Variants in KLF17 observed in about 807,000 individuals in gnomAD.
KLF17 encodes the protein KLF transcription factor 17.
KLF17 carries 31 observed loss-of-function variants against 34.2 expected under a neutral mutation model. The ratio of observed to expected loss-of-function variants is 0.91; its 90% CI spans 0.68 to 1.22. The LOEUF (loss-of-function observed/expected upper bound fraction) is 1.22, where lower values mean the gene tolerates loss of function less well. Among genes scored for constraint, KLF17 ranks in the 50% most tolerant of loss-of-function variants. The probability of loss-of-function intolerance (pLI) is 0.00; values close to 1 mark genes in which losing one functional copy is unlikely to be tolerated. For missense variants in KLF17, 478 were observed against 505.2 expected (o/e 0.95, Z 0.52); for synonymous variants, 179 against 186.7 (o/e 0.96, Z 0.34).
At chr1:44,090,128 C>CAA in the KLF17 span, among the ~76,000 whole-genome samples, 167 of 89,600 alleles carry the variant, frequency 1.9e-3, no homozygotes, top group South Asian at 2.5e-3. Flanking sequence ...GACTCTGTCT[C>CAA]AAAAAAAAAA....
chr1:44,049,885 T>C, the KLF17 span, among the ~76,000 whole-genome samples: 1 of 152,372 alleles, frequency 6.6e-6, no homozygotes, highest in South Asian at 2.1e-4. Flanking sequence ...TATATAATAA[T>C]TTATCCATTT....
At chr1:44,087,753 TATATATATATATATATACACACAC>T in the KLF17 span, among the ~76,000 whole-genome samples, 37 of 69,904 alleles carry the variant, frequency 5.3e-4, no homozygotes, top group South Asian at 2.7e-3. Flanking sequence ...TATATATATA[TATATATATATATATATACACACAC>T]ACACACACAC....
At chr1:44,060,325 G>A in the KLF17 span, among the ~76,000 whole-genome samples, 659 of 152,094 alleles carry the variant, frequency 4.3e-3, 10 homozygotes, top group Non-Finnish European at 3.4e-3. Flanking sequence ...AAAATTACCC[G>A]GGCGTGGTGG....
the KLF17 span, chr1:44,103,883 A>T: frequency 2.5e-6 from 2 of 789,874 alleles, no homozygotes; most frequent in East Asian, 2.4e-5. Flanking sequence ...GCTGCACGTC[A>T]TCCCAGTGCC....
the KLF17 span, chr1:44,104,117 G>A: frequency 9.9e-7 from 1 of 1,009,072 alleles, no homozygotes; most frequent in Non-Finnish European, 1.6e-6. Context: ...AGTTGATCTC[G>A]TCAGTCAGCC....
the KLF17 span, among the ~76,000 whole-genome samples, chr1:44,083,851 T>C: frequency 6.6e-6 from 1 of 151,374 alleles, no homozygotes; most frequent in Non-Finnish European, 1.5e-5. Context: ...GGCAGACATC[T>C]TCTCAAGCTG....
chr1:44,104,092 A>G, the KLF17 span: 1 of 944,092 alleles, frequency 1.1e-6, no homozygotes, highest in Non-Finnish European at 1.7e-6. Context: ...TTCTCTTCAT[A>G]CAGCCGCCTG....
the KLF17 span, among the ~76,000 whole-genome samples, chr1:44,100,487 A>T: frequency 3.3e-5 from 5 of 152,144 alleles, no homozygotes; most frequent in South Asian, 2.1e-4. Context: ...GAGGGGGGGA[A>T]CCTATGATGT....
chr1:44,069,051 G>A, the KLF17 span, among the ~76,000 whole-genome samples: 1 of 152,094 alleles, frequency 6.6e-6, no homozygotes, highest in African/African-American at 2.4e-5. This position sits in a 1 kb window ranked among gnomAD's most constrained non-coding sequence, Gnocchi z 4.7. Flanking sequence ...TCACAGAAAT[G>A]TGTATTTTAT....
chr1:44,070,400 C>T, the KLF17 span, among the ~76,000 whole-genome samples: 2 of 152,114 alleles, frequency 1.3e-5, no homozygotes, highest in African/African-American at 2.4e-5. Flanking sequence ...TCTACTTCCA[C>T]ATGTACACAT....
chr1:44,095,811 G>GTT, the KLF17 span, among the ~76,000 whole-genome samples: 14,716 of 149,258 alleles, frequency 0.099, 757 homozygotes, highest in African/African-American at 0.13. Flanking sequence ...CTTTCTTGGG[G>GTT]TTTTTTTTTC....
Position 44,130,667 on chromosome 1 carries a change from C to T in KLF17, c.1081C>T (p.His361Tyr). 1 of 1,614,110 alleles carries T rather than the reference C, an allele frequency of 6.2e-7. No individual in the cohort carries two copies. The highest frequency in any genetic ancestry group is 8.5e-7 in the Non-Finnish European group (1 of 1,179,996). Residue 361 changes from histidine to tyrosine, a missense_variant, in exon 3 of 4, where the codon CAC becomes TAC. Coordinates refer to ENST00000372299, the MANE Select transcript of KLF17 (RefSeq NM_173484.4). ...EFMRSDHLKQHQKTHRPGPSD... is the reference protein window; with the variant it reads ...EFMRSDHLKQYQKTHRPGPSD... The stretch of plus-strand genomic sequence containing the variant: ...CATGAGGTCTGACCATCTCAAGCAA[C>T]ACCAGAAGACTCATCGGCCGGGACC...
chr1:44,051,956 C>T, the KLF17 span, among the ~76,000 whole-genome samples: 6 of 152,208 alleles, frequency 3.9e-5, no homozygotes, highest in Admixed American at 2.0e-4. Flanking sequence ...CTGGGGTTTT[C>T]GGCATTGACA....
chr1:44,117,072 A>G (rs2154311196), upstream of KLF17: 1 of 151,952 alleles, frequency 6.6e-6, no homozygotes, highest in South Asian at 2.1e-4. Context: ...ATCCATTACA[A>G]ATTCTGTTTT....
At chr1:44,133,114 G>A (rs2088131300) in intron 3 of KLF17, 124 bp from the exon 4 acceptor site, 1 of 152,310 alleles carries the variant, frequency 6.6e-6, no homozygotes, top group African/African-American at 2.4e-5. Context: ...CCTCGGTACA[G>A]TAGCCATGGG....
chr1:44,109,756 G>T, the KLF17 span, among the ~76,000 whole-genome samples: 2 of 152,040 alleles, frequency 1.3e-5, no homozygotes, highest in African/African-American at 4.8e-5. Flanking sequence ...AAGTAGCTAA[G>T]TTCTGTTTCA....
At chr1:44,086,227 G>A in the KLF17 span, among the ~76,000 whole-genome samples, 1 of 152,240 alleles carries the variant, frequency 6.6e-6, no homozygotes, top group African/African-American at 2.4e-5. Context: ...AGCACTTTGG[G>A]AGGCCGAGGC....
chr1:44,096,698 C>G, the KLF17 span, among the ~76,000 whole-genome samples: 1 of 125,712 alleles, frequency 8.0e-6, no homozygotes, highest in Non-Finnish European at 1.8e-5. Context: ...CTGTGCCCAG[C>G]CTACGGTTTT....
At chr1:44,102,836 G>A in the KLF17 span, among the ~76,000 whole-genome samples, 1 of 144,022 alleles carries the variant, frequency 6.9e-6, no homozygotes, top group Non-Finnish European at 1.5e-5. Flanking sequence ...TATTTTTTCT[G>A]TGAACCTAAA....
Sources: allele counts gnomAD v4.1 joint callset (sites outside exome capture counted in the v4.1 genomes callset), GRCh38; gene constraint gnomAD v4.1.1; non-coding constraint Gnocchi (gnomAD v3.1); transcripts MANE v1.5; gene names NCBI Gene and HGNC (gene_info 2026-07-23, HGNC 2026-07-21).